The following ADCY2 variants were observed in gnomAD, a reference collection of about 807,000 sequenced individuals.
The protein encoded by ADCY2 is adenylate cyclase type 2.
A neutral mutation model predicts 125.2 loss-of-function variants in ADCY2; 31 were observed. That is an observed-to-expected ratio of 0.25 (90% CI 0.19 to 0.33). The LOEUF is 0.33. Ranked by LOEUF, ADCY2 falls within the 10% of genes least tolerant of loss-of-function variation. The pLI, the probability that ADCY2 is intolerant of heterozygous loss-of-function variation, is 1.00. For missense variants in ADCY2, 904 were observed against 1,418.2 expected (o/e 0.64, Z 5.82); for synonymous variants, 512 against 548.4 (o/e 0.93, Z 0.93).
intron 22 of ADCY2, 102 bp downstream of exon 22, chr5:7,804,794 T>A: frequency 2.4e-6 from 2 of 824,094 alleles, no homozygotes; most frequent in South Asian, 3.0e-5. Context: ...AACTGTATAT[T>A]TTGTACAACC....
At chr5:7,792,588 C>T (rs1295418180) in intron 20 of ADCY2, among the ~76,000 whole-genome samples, 1 of 152,130 alleles carries the variant, frequency 6.6e-6, no homozygotes, top group Admixed American at 6.5e-5. Context: ...GACAGCCTCC[C>T]TGGGCCAGAC....
intron 2 of ADCY2, among the ~76,000 whole-genome samples, chr5:7,429,438 C>T (rs1043420022): frequency 2.6e-5 from 4 of 152,152 alleles, no homozygotes; most frequent in Admixed American, 1.3e-4. Flanking sequence ...TTATAGAACA[C>T]GTCCCAACAA....
chr5:7,644,149 G>A (rs1003809962), intron 4 of ADCY2, among the ~76,000 whole-genome samples: 9 of 151,998 alleles, frequency 5.9e-5, no homozygotes, highest in African/African-American at 2.2e-4. Flanking sequence ...TCTTGAAAAA[G>A]TAGTTACTTT....
chr5:7,412,099 A>G (rs1336779938), intron 1 of ADCY2, among the ~76,000 whole-genome samples: 1 of 151,214 alleles, frequency 6.6e-6, no homozygotes, highest in African/African-American at 2.4e-5. Flanking sequence ...GAAGCACGGG[A>G]AAGCTCTTAC....
rs968853555 is a variant in ADCY2, at chr5:7,697,289, A to G, written c.982-958A>G. ...GTACTCAACGTGACTTCCTCTAATC[A>G]GTGGAACAAAGGAGTATACACCCTC... On this transcript the variant is annotated intron_variant, in intron 6 of 24. Transcript: ENST00000338316. 8.5e-5 allele frequency among the ~76,000 whole-genome samples: 13 copies of G among 152,250 alleles called. No individual in the cohort carries two copies. In the South Asian group the frequency reaches 2.3e-3, roughly 27 times the overall value.
chr5:7,781,875 C>T (rs79537843), intron 18 of ADCY2, among the ~76,000 whole-genome samples: 4,031 of 152,180 alleles, frequency 0.026, 165 homozygotes, highest in African/African-American at 0.092. Context: ...AACTGATCTA[C>T]GGTGGAGAAA....
At chr5:7,729,998 T>C (rs13169970) in intron 14 of ADCY2, among the ~76,000 whole-genome samples, 68,188 of 151,880 alleles carry the variant, frequency 0.45, 16,419 homozygotes, top group East Asian at 0.94. Context: ...GTACACATTG[T>C]ACCCAATATG....
At chr5:7,820,998 G>A (rs181108150) in intron 24 of ADCY2, among the ~76,000 whole-genome samples, 2 of 152,292 alleles carry the variant, frequency 1.3e-5, no homozygotes, top group East Asian at 3.9e-4. Flanking sequence ...ACTTCTCCTG[G>A]TGCTAATACC....
chr5:7,407,670 G>T (rs1207531020), intron 1 of ADCY2, among the ~76,000 whole-genome samples: 12 of 152,112 alleles, frequency 7.9e-5, no homozygotes, highest in Non-Finnish European at 1.2e-4. Flanking sequence ...AGCAGCCAGT[G>T]TCTGCTGGGC....
At chr5:7,636,003 G>A (rs551949110) in intron 4 of ADCY2, among the ~76,000 whole-genome samples, 5 of 152,250 alleles carry the variant, frequency 3.3e-5, no homozygotes, top group Admixed American at 1.3e-4. Flanking sequence ...CTGTGGCCAG[G>A]TGTCCCTCTC....
intron 24 of ADCY2, among the ~76,000 whole-genome samples, chr5:7,821,706 G>A (rs1259647174): frequency 1.3e-5 from 2 of 152,232 alleles, no homozygotes; most frequent in African/African-American, 4.8e-5. Flanking sequence ...CTGTGTGGCT[G>A]GGGAAGGCTC....
At chr5:7,803,098 G>A (rs982646643) in intron 21 of ADCY2, among the ~76,000 whole-genome samples, 46 of 152,272 alleles carry the variant, frequency 3.0e-4, no homozygotes, top group African/African-American at 1.0e-3. Context: ...TGTCTTGTGG[G>A]CCCTGTGCAC....
chr5:7,462,880 A>G (rs1337794021), intron 2 of ADCY2, among the ~76,000 whole-genome samples: 4 of 152,220 alleles, frequency 2.6e-5, no homozygotes, highest in African/African-American at 9.6e-5. Context: ...TCCTTCTGAA[A>G]GGATATTGCA....
chr5:7,744,502 C>T (rs907519356), intron 15 of ADCY2, among the ~76,000 whole-genome samples: 1 of 152,208 alleles, frequency 6.6e-6, no homozygotes, highest in African/African-American at 2.4e-5. Flanking sequence ...TTAATTTAAG[C>T]CAATCAGGTT....
At chr5:7,806,283 GC>G (rs2126526268) in intron 22 of ADCY2, among the ~76,000 whole-genome samples, 1 of 151,928 alleles carries the variant, frequency 6.6e-6, no homozygotes, top group South Asian at 2.1e-4. Flanking sequence ...CTCCTCCAAT[GC>G]CTTTAATGTT....
At chr5:7,438,607 C>A (rs1419299455) in intron 2 of ADCY2, among the ~76,000 whole-genome samples, 2 of 152,108 alleles carry the variant, frequency 1.3e-5, no homozygotes, top group Non-Finnish European at 2.9e-5. Context: ...CAGCAATAGC[C>A]AGAAACACTG....
At chr5:7,720,540 T>C (rs4702489) in intron 12 of ADCY2, among the ~76,000 whole-genome samples, 145,482 of 151,342 alleles carry the variant, frequency 0.96, 70,197 homozygotes, top group East Asian at 1. Context: ...AATGCTATCC[T>C]CCCCTCTCCC....
chr5:7,601,963 G>T (rs562472581), intron 3 of ADCY2, among the ~76,000 whole-genome samples: 1 of 152,124 alleles, frequency 6.6e-6, no homozygotes, highest in African/African-American at 2.4e-5. Flanking sequence ...GAGGCTCTAC[G>T]GGAGGATCTT....
At chr5:7,688,513 C>A (rs1248648266) in intron 4 of ADCY2, among the ~76,000 whole-genome samples, 1 of 152,090 alleles carries the variant, frequency 6.6e-6, no homozygotes, top group Non-Finnish European at 1.5e-5. Flanking sequence ...AGGTGATCTG[C>A]CCGCATCAGC....
Sources: allele counts gnomAD v4.1 joint callset (sites outside exome capture counted in the v4.1 genomes callset), GRCh38; gene constraint gnomAD v4.1.1; transcripts MANE v1.5; gene names NCBI Gene and HGNC (gene_info 2026-07-23, HGNC 2026-07-21).